The following ANGPT1 variants were observed in gnomAD, a reference collection of about 807,000 sequenced individuals.
ANGPT1 encodes angiopoietin 1.
A neutral mutation model predicts 62.2 loss-of-function variants in ANGPT1; 17 were observed. The ratio of observed to expected loss-of-function variants is 0.27; its 90% CI spans 0.19 to 0.41. The LOEUF (loss-of-function observed/expected upper bound fraction) is 0.41, where lower values mean the gene tolerates loss of function less well. Ranked by LOEUF, ANGPT1 falls within the 10% of genes least tolerant of loss-of-function variation. The probability of loss-of-function intolerance (pLI) is 1.00; values close to 1 mark genes in which losing one functional copy is unlikely to be tolerated. For missense variants in ANGPT1, 478 were observed against 594.9 expected (o/e 0.80, Z 2.04); for synonymous variants, 199 against 198.9 (o/e 1.00, Z 0.00).
chr8:107,264,390 G>T, intron 7 of ANGPT1, 39 bp from the exon 8 acceptor site: 1 of 1,602,024 alleles, frequency 6.2e-7, no homozygotes. Flanking sequence ...TAAGCCATTC[G>T]ACAGAATAAC....
intron 1 of ANGPT1, among the ~76,000 whole-genome samples, chr8:107,433,073 CT>C (rs915244550): frequency 6.6e-6 from 1 of 151,846 alleles, no homozygotes; most frequent in Non-Finnish European, 1.5e-5. Context: ...TTTTTCCCCT[CT>C]TTTTTTTGTA....
At chr8:107,420,061 A>G (rs142958026) in intron 1 of ANGPT1, among the ~76,000 whole-genome samples, 1 of 152,346 alleles carries the variant, frequency 6.6e-6, no homozygotes, top group Non-Finnish European at 1.5e-5. Flanking sequence ...TTTGACTCAG[A>G]TACCATGAAG....
At chr8:107,304,584 T>A (rs1315496974) in intron 4 of ANGPT1, among the ~76,000 whole-genome samples, 4 of 151,870 alleles carry the variant, frequency 2.6e-5, no homozygotes, top group Non-Finnish European at 5.9e-5. Context: ...ACTGGTTTCA[T>A]ACTAAATACT....
Position 107,482,865 on chromosome 8 carries a change from T to TG in ANGPT1, c.297+14396dup, listed in dbSNP as rs148348412. ...CCACTGAATGAATGGGTTGGAATGATGTGTCCTTCTGATGAAAATCACCAC... is the reference window on the plus strand; with the variant it reads ...CCACTGAATGAATGGGTTGGAATGATGGTGTCCTTCTGATGAAAATCACCAC... On this transcript the variant is annotated intron_variant, in intron 1 of 8. Coordinates refer to ENST00000517746, the MANE Select transcript of ANGPT1 (RefSeq NM_001146.5). Among the ~76,000 whole-genome samples the TG allele has an allele frequency of 6.0e-3, 907 of 152,302 alleles. 11 individuals are homozygous for TG. Among genetic ancestry groups the TG allele is most frequent in the African/African-American group, 0.021 (863 of 41,562 alleles).
At chr8:107,485,195 T>G (rs1812783747) in intron 1 of ANGPT1, among the ~76,000 whole-genome samples, 1 of 152,180 alleles carries the variant, frequency 6.6e-6, no homozygotes, top group South Asian at 2.1e-4. Flanking sequence ...ACTGGGCACC[T>G]GCAATGCCCG....
chr8:107,437,848 T>C (rs28577060), intron 1 of ANGPT1, among the ~76,000 whole-genome samples: 47,557 of 151,992 alleles, frequency 0.31, 8,138 homozygotes, highest in Middle Eastern at 0.46. Flanking sequence ...AAAAAAACTT[T>C]AGTGAAATTC....
chr8:107,305,763 T>C (rs1315299734), intron 4 of ANGPT1, among the ~76,000 whole-genome samples: 1 of 152,086 alleles, frequency 6.6e-6, no homozygotes, highest in South Asian at 2.1e-4. Context: ...GAGATACTTA[T>C]ATTCTTTCAA....
chr8:107,263,901 A>T (rs539238626), intron 8 of ANGPT1, among the ~76,000 whole-genome samples: 1 of 152,284 alleles, frequency 6.6e-6, no homozygotes, highest in African/African-American at 2.4e-5. Context: ...GAGTTCCCAA[A>T]CTATTGTTCA....
At chr8:107,374,726 A>G (rs545269433) in intron 1 of ANGPT1, among the ~76,000 whole-genome samples, 22 of 152,344 alleles carry the variant, frequency 1.4e-4, no homozygotes, top group African/African-American at 5.0e-4. Flanking sequence ...GCTATTGGCC[A>G]AAGAATTGAC....
chr8:107,493,466 T>G (rs1563648119), intron 1 of ANGPT1, among the ~76,000 whole-genome samples: 1 of 150,494 alleles, frequency 6.6e-6, no homozygotes, highest in African/African-American at 2.5e-5. Flanking sequence ...AGATTACTGG[T>G]TAAATATAAT....
chr8:107,474,483 G>A (rs897724221), intron 1 of ANGPT1, among the ~76,000 whole-genome samples: 17 of 152,104 alleles, frequency 1.1e-4, no homozygotes, highest in Non-Finnish European at 1.9e-4. Flanking sequence ...ATATCATACT[G>A]AATGGACAAA....
intron 1 of ANGPT1, among the ~76,000 whole-genome samples, chr8:107,382,965 A>T (rs751588944): frequency 2.0e-5 from 3 of 152,206 alleles, no homozygotes; most frequent in Non-Finnish European, 4.4e-5. Context: ...TAACCAAGCT[A>T]ATACATTGAA....
intron 1 of ANGPT1, among the ~76,000 whole-genome samples, chr8:107,417,176 T>C (rs1174130214): frequency 1.2e-4 from 19 of 152,118 alleles, no homozygotes; most frequent in Non-Finnish European, 1.5e-5. Flanking sequence ...AAAAGGGACA[T>C]GGGAGTTATA....
At chr8:107,259,339 T>C (rs2130013477) in intron 8 of ANGPT1, among the ~76,000 whole-genome samples, 1 of 152,268 alleles carries the variant, frequency 6.6e-6, no homozygotes, top group African/African-American at 2.4e-5. Flanking sequence ...TTCTTTGTCT[T>C]CTTTAAGATT....
At chr8:107,263,214 C>T (rs936711269) in intron 8 of ANGPT1, among the ~76,000 whole-genome samples, 2 of 151,716 alleles carry the variant, frequency 1.3e-5, no homozygotes, top group East Asian at 1.9e-4. Flanking sequence ...ATTAGCCGGG[C>T]GTGGTGGTGG....
chr8:107,327,894 G>A (rs1815327397), intron 3 of ANGPT1, among the ~76,000 whole-genome samples: 2 of 152,202 alleles, frequency 1.3e-5, no homozygotes, highest in South Asian at 4.1e-4. Context: ...GAAGTTTCTG[G>A]TAGACTTCTC....
At chr8:107,338,458 G>T (rs190216835) in intron 2 of ANGPT1, among the ~76,000 whole-genome samples, 289 of 152,352 alleles carry the variant, frequency 1.9e-3, no homozygotes, top group African/African-American at 6.5e-3. Flanking sequence ...TGGAACAGGA[G>T]GGTGAGGAGG....
At chr8:107,311,734 C>T (rs969104229) in intron 4 of ANGPT1, among the ~76,000 whole-genome samples, 5 of 152,128 alleles carry the variant, frequency 3.3e-5, no homozygotes, top group African/African-American at 9.7e-5. Context: ...TGTATAACAA[C>T]GTATATTCAA....
intron 5 of ANGPT1, among the ~76,000 whole-genome samples, chr8:107,298,163 C>G (rs1814465768): frequency 6.6e-6 from 1 of 151,950 alleles, no homozygotes; most frequent in South Asian, 2.1e-4. Context: ...GGCTTAAACC[C>G]AAACAAAACG....
Sources: allele counts gnomAD v4.1 joint callset (sites outside exome capture counted in the v4.1 genomes callset), GRCh38; gene constraint gnomAD v4.1.1; transcripts MANE v1.5; gene names NCBI Gene and HGNC (gene_info 2026-07-23, HGNC 2026-07-21).